LHFPL6: variants seen among roughly 807,000 people sequenced by gnomAD.
The protein encoded by LHFPL6 is LHFPL tetraspan subfamily member 6 protein.
Under a neutral mutation model 20.6 loss-of-function variants are expected in LHFPL6, and 9 were observed. That is an observed-to-expected ratio of 0.44 (90% CI 0.26 to 0.76). The LOEUF (loss-of-function observed/expected upper bound fraction) is 0.76, where lower values mean the gene tolerates loss of function less well. LHFPL6 is among the 30% of genes least tolerant of loss of function. The pLI, the probability that LHFPL6 is intolerant of heterozygous loss-of-function variation, is 0.20. For missense variants in LHFPL6, 218 were observed against 253.5 expected (o/e 0.86, Z 0.95); for synonymous variants, 105 against 98.7 (o/e 1.06, Z -0.38).
Position 39,451,025 on chromosome 13 carries a change from A to C in LHFPL6, c.386-72499T>G, listed in dbSNP as rs538141102. On this transcript the variant is annotated intron_variant, in intron 2 of 3. Coordinates refer to ENST00000379589, the MANE Select transcript of LHFPL6 (RefSeq NM_005780.3). ...GAAGAGTTTTATTCTAACTCACAAT[A>C]ATACTAGGTAATATTTTATTTCTAC... 2.5e-4 allele frequency among the ~76,000 whole-genome samples: 38 copies of C among 152,254 alleles called. 1 individual carries two copies. The South Asian group carries it at 7.9e-3, about 32-fold the overall frequency.
chr13:39,405,174 G>A (rs1370666596), intron 2 of LHFPL6, among the ~76,000 whole-genome samples: 1 of 152,072 alleles, frequency 6.6e-6, no homozygotes. Context: ...ACTTAAATGA[G>A]TGAAACTGAG....
chr13:39,413,913 T>TAA (rs1258134575), intron 2 of LHFPL6, among the ~76,000 whole-genome samples: 1 of 152,240 alleles, frequency 6.6e-6, no homozygotes, highest in African/African-American at 2.4e-5. Context: ...AATGGAATCA[T>TAA]AAATTATGGA....
At chr13:39,565,654 C>T (rs761406091) in intron 2 of LHFPL6, among the ~76,000 whole-genome samples, 33 of 152,232 alleles carry the variant, frequency 2.2e-4, no homozygotes, top group Non-Finnish European at 4.1e-4. Flanking sequence ...TATAACAGAA[C>T]ATTCTATGTA....
intron 2 of LHFPL6, among the ~76,000 whole-genome samples, chr13:39,566,731 T>TAAAAAAAAAAAAAAAA (rs3035077): frequency 1.4e-5 from 1 of 70,088 alleles, no homozygotes; most frequent in African/African-American, 5.7e-5. Flanking sequence ...AGACCCTGTC[T>TAAAAAAAAAAAAAAAA]AAAAAAAAAA....
chr13:39,490,516 G>T (rs1414798859), intron 2 of LHFPL6, among the ~76,000 whole-genome samples: 1 of 152,190 alleles, frequency 6.6e-6, no homozygotes, highest in Non-Finnish European at 1.5e-5. Flanking sequence ...AAAAAATCAT[G>T]CTGGATGCAA....
At chr13:39,447,711 G>C (rs892088001) in intron 2 of LHFPL6, among the ~76,000 whole-genome samples, 1 of 152,156 alleles carries the variant, frequency 6.6e-6, no homozygotes, top group Non-Finnish European at 1.5e-5. Context: ...CAACGGTTGA[G>C]TTCTCACACA....
At chr13:39,545,551 T>G (rs1284501525) in intron 2 of LHFPL6, among the ~76,000 whole-genome samples, 1 of 152,012 alleles carries the variant, frequency 6.6e-6, no homozygotes. Flanking sequence ...ACGGAAATAA[T>G]AATAGTAGTA....
At chr13:39,428,539 A>G (rs961559262) in intron 2 of LHFPL6, among the ~76,000 whole-genome samples, 1 of 152,076 alleles carries the variant, frequency 6.6e-6, no homozygotes. Flanking sequence ...ATCTTTAGTG[A>G]TATCACCTTC....
intron 2 of LHFPL6, among the ~76,000 whole-genome samples, chr13:39,462,817 G>A (rs1038224228): frequency 2.0e-5 from 3 of 152,172 alleles, no homozygotes; most frequent in Non-Finnish European, 4.4e-5. Flanking sequence ...ACGCATTTAA[G>A]TTTTGTGGGA....
rs202198938 is a variant in LHFPL6, at chr13:39,409,476, C to CA, written c.386-30951dup. Among the ~76,000 whole-genome samples, 257 of 151,616 alleles carry CA rather than the reference C, an allele frequency of 1.7e-3. 1 individual carries two copies. Among genetic ancestry groups the CA allele is most frequent in the South Asian group, 3.3e-3 (16 of 4,784 alleles). On this transcript the variant is annotated intron_variant, in intron 2 of 3. Transcript: ENST00000379589. ...CTCAAAAACAAAAAAAACAAAAAAA[C>CA]AAAAAAAACATTTGAAATGTACTGA...
At chr13:39,449,192 A>G (rs1872374716) in intron 2 of LHFPL6, among the ~76,000 whole-genome samples, 1 of 152,224 alleles carries the variant, frequency 6.6e-6, no homozygotes, top group African/African-American at 2.4e-5. Context: ...GTTCTGAATG[A>G]CCAGTGATAT....
chr13:39,495,122 A>G (rs532821472), intron 2 of LHFPL6, among the ~76,000 whole-genome samples: 2 of 152,354 alleles, frequency 1.3e-5, no homozygotes, highest in African/African-American at 4.8e-5. Flanking sequence ...AACTTGATCA[A>G]CTTCCAGGCT....
At chr13:39,454,945 G>A (rs556911178) in intron 2 of LHFPL6, among the ~76,000 whole-genome samples, 76 of 152,258 alleles carry the variant, frequency 5.0e-4, no homozygotes, top group African/African-American at 1.5e-3. Flanking sequence ...ATTATAGAGT[G>A]TCCTTCACTT....
intron 2 of LHFPL6, among the ~76,000 whole-genome samples, chr13:39,427,677 T>C (rs2138401718): frequency 6.6e-6 from 1 of 152,330 alleles, no homozygotes; most frequent in Middle Eastern, 3.4e-3. Flanking sequence ...TGGATATGAC[T>C]TGCTAAAAAG....
Position 39,492,972 on chromosome 13 carries a change from G to T in LHFPL6, c.385+107860C>A, listed in dbSNP as rs980838087. Among the ~76,000 whole-genome samples, 3 of 151,846 alleles carry T rather than the reference G, an allele frequency of 2.0e-5. No individual in the cohort carries two copies. The East Asian group carries it at 5.8e-4, about 30-fold the overall frequency. On this transcript the variant is annotated intron_variant, in intron 2 of 3. Coordinates refer to ENST00000379589, the MANE Select transcript of LHFPL6 (RefSeq NM_005780.3). ...TGGGATTATAGGTGTGAGCCACTGC[G>T]CCCGGCCTCAATATTCTTCTAAAAC... is the stretch of plus-strand genomic sequence containing the variant.
chr13:39,343,390 C>A lies in LHFPL6; in HGVS notation c.*546G>T. ...GCACCACTAAACCTCCCAGTCTGTG[C>A]GATAATCCACGTTTGTGCATAGGCG... On this transcript the variant is annotated 3_prime_UTR_variant, in exon 4 of 4. Transcript: ENST00000379589. 1 of 230,874 alleles carries A rather than the reference C, an allele frequency of 4.3e-6. No individual in the cohort carries two copies. Among genetic ancestry groups the A allele is most frequent in the Non-Finnish European group, 8.6e-6 (1 of 116,322 alleles). 14.3% of individuals were successfully genotyped at this position (230,874 alleles called of 1,614,324 possible).
At chr13:39,523,667 G>A (rs1330763768) in intron 2 of LHFPL6, among the ~76,000 whole-genome samples, 3 of 152,092 alleles carry the variant, frequency 2.0e-5, no homozygotes, top group Non-Finnish European at 4.4e-5. Flanking sequence ...ACTTTGCAAT[G>A]AGATGTAACA....
chr13:39,547,888 C>A (rs1871028844), intron 2 of LHFPL6, among the ~76,000 whole-genome samples: 1 of 151,660 alleles, frequency 6.6e-6, no homozygotes, highest in African/African-American at 2.4e-5. Flanking sequence ...GCTGAAATGC[C>A]CCAAAGTGAA....
At chr13:39,430,332 T>C (rs1871759765) in intron 2 of LHFPL6, among the ~76,000 whole-genome samples, 1 of 152,220 alleles carries the variant, frequency 6.6e-6, no homozygotes, top group African/African-American at 2.4e-5. Flanking sequence ...GTATAAATTA[T>C]GACAATTCTG....
Sources: gnomAD v4.1 joint callset for allele counts (sites outside exome capture counted in the v4.1 genomes callset) on GRCh38, gnomAD v4.1.1 for gene constraint, MANE v1.5 for transcripts, NCBI Gene and HGNC (gene_info 2026-07-23, HGNC 2026-07-21) for gene names.